Variants in LGSN observed in about 807,000 individuals in gnomAD.
The protein encoded by LGSN is lengsin.
In LGSN, 21 loss-of-function variants were observed where a neutral mutation model predicts 19.5. The ratio of observed to expected loss-of-function variants is 1.07; its 90% confidence interval spans 0.76 to 1.55. The LOEUF (loss-of-function observed/expected upper bound fraction) is 1.55, where lower values mean the gene tolerates loss of function less well. LGSN is among the 40% of genes most tolerant of loss of function. The pLI, the probability that LGSN is intolerant of heterozygous loss-of-function variation, is 0.00. For missense variants in LGSN, 673 were observed against 608.5 expected (o/e 1.11, Z -1.12); for synonymous variants, 257 against 215.6 (o/e 1.19, Z -1.68).
At position 63,280,982 on chromosome 6, in the gene LGSN, C is replaced by T. The variant is rs1327086610; in HGVS notation, c.569G>A (p.Arg190Lys). The T allele has an allele frequency of 6.2e-7, 1 of 1,614,068 alleles. No homozygotes were observed. Among genetic ancestry groups the T allele is most frequent in the Non-Finnish European group, 8.5e-7 (1 of 1,180,016 alleles). Residue 190 changes from arginine (R) to lysine (K), a missense_variant, in exon 4 of 4, where the codon AGG becomes AAG. Physicochemically the swap from Arg to Lys is conservative, Grantham distance 26 (BLOSUM62 2). Coordinates refer to ENST00000370657, the MANE Select transcript of LGSN (RefSeq NM_016571.3). ...LLTSPRYIAK[R>K]QLSHLQASGF... Reference sequence around the variant, plus strand: ...AGAGGCCTGCAGATGGCTCAGCTGCCTCTTTGCAATGTACCTTGGGGAAGT... The same window carrying T: ...AGAGGCCTGCAGATGGCTCAGCTGCTTCTTTGCAATGTACCTTGGGGAAGT...
At chr6:63,365,756 A>G in the LGSN span, among the ~76,000 whole-genome samples, 1 of 152,250 alleles carries the variant, frequency 6.6e-6, no homozygotes, top group Non-Finnish European at 1.5e-5. Flanking sequence ...AGTTGGCTTC[A>G]TCCCTGGGAT....
chr6:63,563,698 T>C, the LGSN span, among the ~76,000 whole-genome samples: 2 of 152,130 alleles, frequency 1.3e-5, no homozygotes, highest in South Asian at 2.1e-4. Flanking sequence ...TTAACACATA[T>C]GTGTTGGGGA....
At chr6:63,290,397 C>T (rs1767720611) in intron 2 of LGSN, among the ~76,000 whole-genome samples, 1 of 152,174 alleles carries the variant, frequency 6.6e-6, no homozygotes, top group South Asian at 2.1e-4. Context: ...GTAGCTAAAA[C>T]TAGAATATAT....
At chr6:63,465,425 G>T in the LGSN span, among the ~76,000 whole-genome samples, 1 of 151,928 alleles carries the variant, frequency 6.6e-6, no homozygotes, top group African/African-American at 2.4e-5. Flanking sequence ...CAAGTGATAC[G>T]CCCACCCTGG....
chr6:63,522,292 T>G, the LGSN span, among the ~76,000 whole-genome samples: 3 of 152,130 alleles, frequency 2.0e-5, no homozygotes, highest in African/African-American at 7.2e-5. Flanking sequence ...ATTATTTGTA[T>G]AGTTATAAAG....
chr6:63,556,597 C>A, the LGSN span, among the ~76,000 whole-genome samples: 2 of 152,132 alleles, frequency 1.3e-5, no homozygotes, highest in African/African-American at 4.8e-5. Flanking sequence ...GATGATACCA[C>A]AGGGGAAGTT....
the LGSN span, among the ~76,000 whole-genome samples, chr6:63,540,582 C>G: frequency 2.6e-5 from 4 of 151,730 alleles, no homozygotes; most frequent in Non-Finnish European, 4.4e-5. Flanking sequence ...GATTGCTCCA[C>G]TCACTGCACT....
In LGSN at chr6:63,318,142, C is replaced by A. The variant is rs7751985; in HGVS notation, c.30+1772G>T. ...AAATAGAGAATCTCAGTAAAATATT[C>A]TTTAGGGGAGTACCAAACCTAAGAT... On this transcript the variant is annotated intron_variant, in intron 1 of 3. Transcript: ENST00000370657. Among the ~76,000 whole-genome samples the A allele has an allele frequency of 2.9e-3, 448 of 152,248 alleles. 3 individuals carry two copies. The highest frequency in any genetic ancestry group is 0.01 in the African/African-American group (424 of 41,554).
the LGSN span, among the ~76,000 whole-genome samples, chr6:63,330,677 A>T: frequency 6.6e-5 from 10 of 152,294 alleles, no homozygotes; most frequent in Admixed American, 6.5e-4. Flanking sequence ...ACAGATGTTT[A>T]CAACTCCAGT....
chr6:63,420,816 A>G, the LGSN span, among the ~76,000 whole-genome samples: 1 of 152,200 alleles, frequency 6.6e-6, no homozygotes, highest in Non-Finnish European at 1.5e-5. Context: ...TAACTACCTA[A>G]CACAGATTGT....
chr6:63,407,193 T>A, the LGSN span, among the ~76,000 whole-genome samples: 12 of 151,922 alleles, frequency 7.9e-5, no homozygotes, highest in South Asian at 2.1e-4. Flanking sequence ...GCCAGCATCA[T>A]CCTGATACCA....
At chr6:63,403,101 C>CAGAGAGAGAGAGAG in the LGSN span, among the ~76,000 whole-genome samples, 1 of 148,762 alleles carries the variant, frequency 6.7e-6, no homozygotes, top group African/African-American at 2.5e-5. Context: ...GAGAGAGAGA[C>CAGAGAGAGAGAGAG]AGAGAGAGAG....
rs1477033054 is a variant in LGSN at position 63,280,426 on chromosome 6, G to A, written c.1125C>T (p.Asp375=). 2 of 1,614,144 alleles carry A rather than the reference G, an allele frequency of 1.2e-6. No homozygotes were observed. The highest frequency in any genetic ancestry group is 1.1e-5 in the South Asian group (1 of 91,082). ...CRKRYSKDRK[D]LKKSVPTTWG... ...ATGTTGTAGGCACACTCTTCTTCAG[G>A]TCTTTCCTGTCCTTGGAATAACGCT... The change falls in exon 4 of 4, where the codon GAC becomes GAT. Residue 375 remains aspartate, a synonymous_variant. Coordinates refer to ENST00000370657, the MANE Select transcript of LGSN (RefSeq NM_016571.3).
At chr6:63,538,930 T>C in the LGSN span, among the ~76,000 whole-genome samples, 1 of 152,218 alleles carries the variant, frequency 6.6e-6, no homozygotes, top group African/African-American at 2.4e-5. Context: ...TCTCACTCTG[T>C]CACCCAGGCT....
intron 3 of LGSN, among the ~76,000 whole-genome samples, chr6:63,282,229 A>C (rs1217062067): frequency 6.6e-6 from 1 of 152,252 alleles, no homozygotes; most frequent in Non-Finnish European, 1.5e-5. Context: ...TGAAGGTTAC[A>C]TTAATAGATG....
the LGSN span, chr6:63,548,587 C>T: frequency 3.3e-6 from 1 of 300,426 alleles, no homozygotes; most frequent in African/African-American, 2.2e-5. Flanking sequence ...TACCAGGGTA[C>T]ATGGTAGAAA....
At chr6:63,540,763 C>T in the LGSN span, among the ~76,000 whole-genome samples, 3 of 151,124 alleles carry the variant, frequency 2.0e-5, no homozygotes, top group African/African-American at 4.9e-5. Flanking sequence ...ATGAGGGTGG[C>T]GGGGAGACGT....
At chr6:63,572,304 C>CT in the LGSN span, 7 of 216,000 alleles carry the variant, frequency 3.2e-5, no homozygotes, top group African/African-American at 1.6e-4. Context: ...CGACTCGGCG[C>CT]TTAGCCATTC....
At chr6:63,416,932 TACACACACAC>T in the LGSN span, among the ~76,000 whole-genome samples, 3 of 147,818 alleles carry the variant, frequency 2.0e-5, no homozygotes, top group East Asian at 4.0e-4. Flanking sequence ...CATATGTATG[TACACACACAC>T]ACACACACAC....
Sources: gnomAD v4.1 joint callset for allele counts (sites outside exome capture counted in the v4.1 genomes callset) on GRCh38, gnomAD v4.1.1 for gene constraint, MANE v1.5 for transcripts, NCBI Gene and HGNC (gene_info 2026-07-23, HGNC 2026-07-21) for gene names.